CCDC39: variants seen among roughly 807,000 people sequenced by gnomAD.
CCDC39 encodes the protein coiled-coil domain 39 molecular ruler complex subunit.
Under a neutral mutation model 121.0 loss-of-function variants are expected in CCDC39, and 113 were observed. That is an observed-to-expected ratio of 0.93 (90% confidence interval 0.80 to 1.09). The LOEUF (loss-of-function observed/expected upper bound fraction) is 1.09. CCDC39 is among the 50% of genes least tolerant of loss of function. The probability of loss-of-function intolerance (pLI) is 0.00; values close to 1 mark genes in which losing one functional copy is unlikely to be tolerated. For missense variants in CCDC39, 1,063 were observed against 1,074.7 expected, an observed-to-expected ratio of 0.99 and a Z score of 0.15; for synonymous variants, 349 against 352.2, an observed-to-expected ratio of 0.99 and a Z score of 0.10.
At position 180,659,400 on chromosome 3, in the gene CCDC39, A is replaced by G. The variant is rs1394516597; in HGVS notation, c.738+52T>C. On this transcript the variant is annotated intron_variant, in intron 6 of 19. Transcript: ENST00000476379. ...TTACATTTGGAATAATGAGTTAAAT[A>G]CAAAAGAGACAAATGCAGCTGAACA... The G allele has an allele frequency of 8.1e-6, 13 of 1,598,108 alleles. No individual in the cohort carries two copies. In the South Asian group the frequency reaches 1.3e-4, roughly 15 times the overall value.
chr3:180,653,481 C>T (rs1033007999), intron 7 of CCDC39, among the ~76,000 whole-genome samples: 1 of 152,122 alleles, frequency 6.6e-6, no homozygotes. Flanking sequence ...CCTGCTCATT[C>T]CTAATTAAGC....
At chr3:180,643,033 T>C (rs1258650824) in intron 12 of CCDC39, among the ~76,000 whole-genome samples, 6 of 151,876 alleles carry the variant, frequency 4.0e-5, no homozygotes, top group Non-Finnish European at 8.8e-5. Flanking sequence ...GATCTCCGCT[T>C]ACTGCAAGCC....
intron 13 of CCDC39, among the ~76,000 whole-genome samples, chr3:180,634,249 C>G (rs1207454941): frequency 1.3e-5 from 2 of 151,160 alleles, no homozygotes; most frequent in East Asian, 3.9e-4. Flanking sequence ...CTGCCACTGG[C>G]TCTGCAGTGG....
At chr3:180,671,078 G>T (rs186141561) in intron 1 of CCDC39, among the ~76,000 whole-genome samples, 1 of 152,022 alleles carries the variant, frequency 6.6e-6, no homozygotes, top group East Asian at 1.9e-4. Context: ...TAGGTGTGGT[G>T]GTATGCACCT....
chr3:180,614,769 G>C lies in CCDC39; in HGVS notation c.*152C>G. Reference sequence around the variant, plus strand: ...GTATGAAGAAAACAGTAGAGAAAATGAGAACGTTCCTTTTTTTTTAAAACT... The same window carrying C: ...GTATGAAGAAAACAGTAGAGAAAATCAGAACGTTCCTTTTTTTTTAAAACT... On this transcript the variant is annotated 3_prime_UTR_variant, in exon 20 of 20. Coordinates refer to ENST00000476379, the MANE Select transcript of CCDC39 (RefSeq NM_181426.2). 1 of 615,888 alleles carries C rather than the reference G, an allele frequency of 1.6e-6. No individual in the cohort carries two copies. The highest frequency in any genetic ancestry group is 2.6e-6 in the Non-Finnish European group (1 of 377,480). 38.2% of individuals were successfully genotyped at this position (615,888 alleles called of 1,614,324 possible).
chr3:180,652,389 C>A (rs1456548049), intron 7 of CCDC39, 123 bp from the exon 8 acceptor site: 2 of 513,188 alleles, frequency 3.9e-6, no homozygotes, highest in Non-Finnish European at 3.4e-6. Context: ...AAAGTAGTAG[C>A]CATTTTTTTA....
At chr3:180,659,841 A>G in intron 4 of CCDC39, 72 bp from the exon 5 acceptor site, 2 of 900,812 alleles carry the variant, frequency 2.2e-6, no homozygotes. Flanking sequence ...TGTATCTAAC[A>G]TTAAATAGTA....
intron 6 of CCDC39, among the ~76,000 whole-genome samples, chr3:180,659,027 GA>G (rs1711663265): frequency 6.6e-6 from 1 of 152,142 alleles, no homozygotes; most frequent in African/African-American, 2.4e-5. Context: ...CTTCAAAAGT[GA>G]AACTTTACTG....
chr3:180,667,689 A>G (rs1711923099), intron 1 of CCDC39, among the ~76,000 whole-genome samples: 1 of 152,082 alleles, frequency 6.6e-6, no homozygotes, highest in Non-Finnish European at 1.5e-5. Flanking sequence ...TCCTTGAAAC[A>G]CAATATTGAA....
At chr3:180,671,022 TC>T (rs2108434425) in intron 1 of CCDC39, among the ~76,000 whole-genome samples, 1 of 152,002 alleles carries the variant, frequency 6.6e-6, no homozygotes, top group East Asian at 1.9e-4. Flanking sequence ...GACCAGCCTG[TC>T]CCACATGGCA....
chr3:180,616,729 C>T lies in CCDC39; in HGVS notation c.2407-34G>A, dbSNP rs200709899. The T allele has an allele frequency of 1.1e-4, 172 of 1,571,694 alleles. 1 individual carries two copies. The East Asian group carries it at 2.9e-3, about 27-fold the overall frequency. On this transcript the variant is annotated intron_variant, in intron 17 of 19. Coordinates refer to ENST00000476379, the MANE Select transcript of CCDC39 (RefSeq NM_181426.2). ...AAATAATAGTCAATTATTCTATAAA[C>T]GTGTTTACCAGAATTTAATATTTTT...
intron 15 of CCDC39, among the ~76,000 whole-genome samples, 183 bp from the exon 16 acceptor site, chr3:180,619,548 A>AT: frequency 1.3e-5 from 2 of 152,116 alleles, no homozygotes; most frequent in Non-Finnish European, 2.9e-5. Context: ...GAGCAGCAAT[A>AT]TGCTGCCATT....
chr3:180,628,287 T>C (rs967161126), intron 14 of CCDC39, among the ~76,000 whole-genome samples: 2 of 152,190 alleles, frequency 1.3e-5, no homozygotes, highest in African/African-American at 4.8e-5. Context: ...CTTGGCTCAC[T>C]GCAAGCTCCG....
intron 1 of CCDC39, among the ~76,000 whole-genome samples, chr3:180,669,581 T>C (rs143228594): frequency 0.018 from 2,681 of 152,170 alleles, 67 homozygotes; most frequent in African/African-American, 0.062. Flanking sequence ...AAGATTGCCC[T>C]GACTACAAAA....
At chr3:180,627,604 G>A (rs1002366867) in intron 14 of CCDC39, among the ~76,000 whole-genome samples, 3 of 152,130 alleles carry the variant, frequency 2.0e-5, no homozygotes, top group Non-Finnish European at 2.9e-5. Flanking sequence ...ATTGCAGTCA[G>A]AACTATACTG....
intron 14 of CCDC39, among the ~76,000 whole-genome samples, chr3:180,624,859 C>T (rs935841683): frequency 6.6e-6 from 1 of 151,948 alleles, no homozygotes; most frequent in African/African-American, 2.4e-5. Context: ...CTTTTCTGTC[C>T]TATAAGATTT....
At chr3:180,635,392 CA>C (rs144226403) in intron 13 of CCDC39, among the ~76,000 whole-genome samples, 27,672 of 152,134 alleles carry the variant, frequency 0.18, 2,706 homozygotes, top group Non-Finnish European at 0.21. Context: ...TAGCTCACTC[CA>C]GCATTAACTC....
At chr3:180,623,679 T>A (rs924395991) in intron 14 of CCDC39, among the ~76,000 whole-genome samples, 12 of 152,164 alleles carry the variant, frequency 7.9e-5, no homozygotes, top group Non-Finnish European at 2.9e-5. Context: ...TTCAAAAATT[T>A]TTTTAAATTT....
In CCDC39 at chr3:180,616,335, G is replaced by A; in HGVS notation, c.2615C>T (p.Thr872Ile). The A allele has an allele frequency of 6.2e-7, 1 of 1,613,210 alleles. No homozygotes were observed. The highest frequency in any genetic ancestry group is 8.5e-7 in the Non-Finnish European group (1 of 1,179,398). ...QSGLELPTAS[T>I]KGSRQSSRSP... ...TCTAGAGCTCTGACGACTGCCTTTT[G>A]TGCTAGCTGTAGGTAGTTCTAACCC... The change falls in exon 19 of 20, where the codon ACA (threonine) becomes ATA (isoleucine). Residue 872 changes from threonine (T) to isoleucine (I), a missense_variant. Thr to Ile is a moderately conservative substitution (Grantham distance 89). Coordinates refer to ENST00000476379, the MANE Select transcript of CCDC39 (RefSeq NM_181426.2).
Sources: gnomAD v4.1 joint callset for allele counts (sites outside exome capture counted in the v4.1 genomes callset) on GRCh38, gnomAD v4.1.1 for gene constraint, MANE v1.5 for transcripts, NCBI Gene and HGNC (gene_info 2026-07-23, HGNC 2026-07-21) for gene names.